The following SPAST variants were observed in gnomAD, a reference collection of about 807,000 sequenced individuals.
SPAST encodes spastin, also known as spastic paraplegia 4 (autosomal dominant; spastin).
SPAST carries 30 observed loss-of-function variants against 76.6 expected under a neutral mutation model. The ratio of observed to expected loss-of-function variants is 0.39; its 90% CI spans 0.29 to 0.53. The LOEUF is 0.53. SPAST is among the 20% of genes least tolerant of loss of function. The probability of loss-of-function intolerance (pLI) is 0.68; values close to 1 mark genes in which losing one functional copy is unlikely to be tolerated. For synonymous variants in SPAST, 305 were observed against 281.0 expected (o/e 1.09, Z -0.86); for missense variants, 717 against 770.5 (o/e 0.93, Z 0.82).
At chr2:32,074,249 G>C (rs1291742652) in intron 1 of SPAST, among the ~76,000 whole-genome samples, 1 of 152,178 alleles carries the variant, frequency 6.6e-6, no homozygotes, top group Non-Finnish European at 1.5e-5. Flanking sequence ...TAAAGCTGTA[G>C]TAGTTAAAAA....
At chr2:32,087,997 C>A (rs900216229) in intron 2 of SPAST, among the ~76,000 whole-genome samples, 3 of 151,910 alleles carry the variant, frequency 2.0e-5, no homozygotes, top group Admixed American at 1.3e-4. Context: ...TATTTATTCT[C>A]CTGCCTGAGA....
intron 15 of SPAST, 21 bp from the exon 16 acceptor site, chr2:32,147,196 GC>G (rs1558343148): frequency 6.3e-7 from 1 of 1,592,626 alleles, no homozygotes; most frequent in Non-Finnish European, 8.6e-7. Context: ...ATTTTTAAGT[GC>G]CTGACTTTTA....
At chr2:32,139,172 T>A (rs11689817) in intron 12 of SPAST, among the ~76,000 whole-genome samples, 55,751 of 151,982 alleles carry the variant, frequency 0.37, 10,603 homozygotes, top group East Asian at 0.64. Context: ...TTTTAGAATA[T>A]TTTTTTCTAA....
chr2:32,122,637 T>C (rs1361483272), intron 7 of SPAST, among the ~76,000 whole-genome samples: 1 of 152,032 alleles, frequency 6.6e-6, no homozygotes, highest in Non-Finnish European at 1.5e-5. Flanking sequence ...TTACTGTTTT[T>C]ATAGGTCAAA....
At position 32,156,810 on chromosome 2, in the gene SPAST, A is replaced by G. The variant is rs1285453700; in HGVS notation, c.*2314A>G. ...TTAGATAACAAAGATTTCAAATGTT[A>G]AAAGAGATAAAAGTCAGGTTAATAC... On this transcript the variant is annotated 3_prime_UTR_variant, in exon 17 of 17. Transcript: ENST00000315285. 1 of 152,202 alleles carries G rather than the reference A, an allele frequency of 6.6e-6. No individual in the cohort carries two copies. The highest frequency in any genetic ancestry group is 1.5e-5 in the Non-Finnish European group (1 of 68,020). The allele number at this position is 152,202 out of a possible 1,614,324, so 9.4% of individuals were successfully genotyped here.
At chr2:32,091,419 T>C (rs947861020) in intron 3 of SPAST, among the ~76,000 whole-genome samples, 9 of 151,190 alleles carry the variant, frequency 6.0e-5, no homozygotes, top group African/African-American at 2.2e-4. Flanking sequence ...TAGCTAGGAT[T>C]ACAGGGGCCT....
intron 1 of SPAST, among the ~76,000 whole-genome samples, chr2:32,083,430 T>G (rs1236613061): frequency 6.6e-6 from 1 of 151,898 alleles, no homozygotes; most frequent in African/African-American, 2.4e-5. Flanking sequence ...GCCATTTTGT[T>G]TCCTACCAGC....
At chr2:32,149,792 T>C (rs1680015215) in intron 16 of SPAST, among the ~76,000 whole-genome samples, 1 of 152,136 alleles carries the variant, frequency 6.6e-6, no homozygotes, top group Admixed American at 6.6e-5. Context: ...ACTGCACCAT[T>C]TTACATAAGG....
At chr2:32,127,370 G>T in intron 8 of SPAST, 1 of 311,676 alleles carries the variant, frequency 3.2e-6, no homozygotes, top group Non-Finnish European at 6.2e-6. Flanking sequence ...CTCCTACCTG[G>T]GCCTCCTAAA....
chr2:32,134,810 G>A lies in SPAST; in HGVS notation c.1246-1753G>A, dbSNP rs971610955. On this transcript the variant is annotated intron_variant, in intron 9 of 16. Coordinates refer to ENST00000315285, the MANE Select transcript of SPAST (RefSeq NM_014946.4). ...TCTCAGGTTCAAGCAATTCTCCCAC[G>A]TCAGCCTCCCGAGTAGCTGGGATTA... Among the ~76,000 whole-genome samples the A allele has an allele frequency of 5.0e-4, 76 of 151,822 alleles. 1 individual carries two copies. Among genetic ancestry groups the A allele is most frequent in the African/African-American group, 1.6e-3 (65 of 41,420 alleles).
intron 3 of SPAST, among the ~76,000 whole-genome samples, chr2:32,091,375 G>C (rs1403621758): frequency 6.7e-6 from 1 of 150,040 alleles, no homozygotes; most frequent in Non-Finnish European, 1.5e-5. Context: ...CCACCTCCTG[G>C]GTTCAAACTA....
At chr2:32,145,647 T>G (rs570287474) in intron 15 of SPAST, among the ~76,000 whole-genome samples, 2 of 129,980 alleles carry the variant, frequency 1.5e-5, no homozygotes, top group South Asian at 6.2e-4. Flanking sequence ...GTTTTCACTT[T>G]TTTAATTATA....
At position 32,093,818 on chromosome 2, in the gene SPAST, A is replaced by AAT. The variant is rs138621199; in HGVS notation, c.586+4229_586+4230dup. ...GAATGTTAAATGAAGCTATCTTAAA[A>AAT]ATATATATATATATATAACAGCCAG... On this transcript the variant is annotated intron_variant, in intron 3 of 16. Coordinates refer to ENST00000315285, the MANE Select transcript of SPAST (RefSeq NM_014946.4). 3.9e-3 allele frequency among the ~76,000 whole-genome samples: 586 copies of AAT among 149,562 alleles called. 2 individuals carry two copies. The highest frequency in any genetic ancestry group is 0.01 in the African/African-American group (424 of 41,032).
chr2:32,089,403 T>TA (rs1343537526), intron 2 of SPAST, 119 bp from the exon 3 acceptor site: 42 of 598,132 alleles, frequency 7.0e-5, no homozygotes, highest in Middle Eastern at 4.6e-4. Flanking sequence ...TTCTTTTTTT[T>TA]AAAAAAAAAT....
chr2:32,150,491 G>A (rs1329859635), intron 16 of SPAST, among the ~76,000 whole-genome samples: 7 of 151,776 alleles, frequency 4.6e-5, no homozygotes, highest in Non-Finnish European at 2.9e-5. Context: ...AGGCTGGAGT[G>A]CAGTGGTACA....
chr2:32,128,328 T>G, intron 8 of SPAST, 80 bp from the exon 9 acceptor site: 1 of 1,030,236 alleles, frequency 9.7e-7, no homozygotes, highest in South Asian at 1.3e-5. Context: ...TCTTTTCTAG[T>G]ACTTAAATCG....
intron 16 of SPAST, among the ~76,000 whole-genome samples, chr2:32,151,451 T>C (rs1187029726): frequency 6.6e-6 from 1 of 152,208 alleles, no homozygotes; most frequent in Non-Finnish European, 1.5e-5. Flanking sequence ...TTATAGAGAT[T>C]AAGGTAATCC....
At chr2:32,079,699 C>T (rs927779793) in intron 1 of SPAST, among the ~76,000 whole-genome samples, 1 of 151,902 alleles carries the variant, frequency 6.6e-6, no homozygotes, top group Non-Finnish European at 1.5e-5. Context: ...GCTGGGACCA[C>T]AGGTGTGCAC....
intron 9 of SPAST, among the ~76,000 whole-genome samples, chr2:32,135,916 A>G (rs551824978): frequency 6.6e-6 from 1 of 152,218 alleles, no homozygotes; most frequent in African/African-American, 2.4e-5. Flanking sequence ...CATCTTTACT[A>G]AAAATACAAA....
Sources: gnomAD v4.1 joint callset for allele counts (sites outside exome capture counted in the v4.1 genomes callset) on GRCh38, gnomAD v4.1.1 for gene constraint, MANE v1.5 for transcripts, NCBI Gene and HGNC (gene_info 2026-07-23, HGNC 2026-07-21) for gene names.